The following SH3KBP1 variants were observed in gnomAD, a reference collection of about 807,000 sequenced individuals.
The protein encoded by SH3KBP1 is SH3 domain-containing kinase-binding protein 1.
Under a neutral mutation model 50.1 loss-of-function variants are expected in SH3KBP1, and 8 were observed. The observed-to-expected ratio is 0.16, with a 90% CI of 0.09 to 0.29. The LOEUF is 0.29. Ranked by LOEUF, SH3KBP1 falls within the 10% of genes least tolerant of loss-of-function variation. The pLI is 1.00. For synonymous variants in SH3KBP1, 227 were observed against 218.6 expected, an observed-to-expected ratio of 1.04 and a Z score of -0.34; for missense variants, 377 against 535.2, an observed-to-expected ratio of 0.70 and a Z score of 2.92.
chrX:19,825,431 G>A lies in SH3KBP1; in HGVS notation c.162+10694C>T, dbSNP rs374226838. Among the ~76,000 whole-genome samples the A allele has an allele frequency of 6.9e-4, 77 of 111,994 alleles. 2 individuals carry two copies. The South Asian group carries it at 0.029, about 42-fold the overall frequency. ...TTCAGACACCCAGATAATGCTGCCCGCTTGAGCTCAGGTTGCAGAGCTGGT... is the reference window on the plus strand; with the variant it reads ...TTCAGACACCCAGATAATGCTGCCCACTTGAGCTCAGGTTGCAGAGCTGGT... On this transcript the variant is annotated intron_variant, in intron 2 of 17. Transcript: ENST00000397821.
At chrX:19,810,939 G>T (rs1434048337) in intron 2 of SH3KBP1, among the ~76,000 whole-genome samples, 1 of 111,933 alleles carries the variant, frequency 8.9e-6, no homozygotes, top group Non-Finnish European at 1.9e-5. Context: ...GCACAAAGAA[G>T]TGATTTCTCA....
chrX:19,805,688 A>G (rs57525297), intron 2 of SH3KBP1, among the ~76,000 whole-genome samples: 29,394 of 109,769 alleles, frequency 0.27, 4,863 homozygotes, highest in African/African-American at 0.62. Context: ...ATGCTATACC[A>G]TAGTACAATT....
intron 2 of SH3KBP1, among the ~76,000 whole-genome samples, chrX:19,757,050 C>CATATGCCTG (rs1556342525): frequency 1.8e-5 from 2 of 109,757 alleles, no homozygotes; most frequent in African/African-American, 6.6e-5. Flanking sequence ...TAGCTGGCAC[C>CATATGCCTG]ATATGCCTGT....
chrX:19,562,127 C>A (rs999594579), intron 13 of SH3KBP1, among the ~76,000 whole-genome samples: 8 of 111,372 alleles, frequency 7.2e-5, no homozygotes, highest in Non-Finnish European at 1.3e-4. Flanking sequence ...TAATGAGAGT[C>A]CATGGCTAAA....
At chrX:19,562,924 T>C (rs2065727039) in intron 13 of SH3KBP1, among the ~76,000 whole-genome samples, 1 of 112,324 alleles carries the variant, frequency 8.9e-6, no homozygotes, top group Non-Finnish European at 1.9e-5. Context: ...TACCACCAAA[T>C]GCACTGCTGC....
At chrX:19,730,520 A>G (rs1218268210) in intron 3 of SH3KBP1, among the ~76,000 whole-genome samples, 1 of 111,698 alleles carries the variant, frequency 9.0e-6, no homozygotes, top group Non-Finnish European at 1.9e-5. Context: ...CAGAGAGGAA[A>G]AAGAAGCAAG....
chrX:19,638,480 G>A (rs1389092245), intron 7 of SH3KBP1, among the ~76,000 whole-genome samples: 2 of 110,167 alleles, frequency 1.8e-5, no homozygotes, highest in Admixed American at 1.9e-4. Context: ...TTGGCATCAG[G>A]TGGAGAGCTT....
chrX:19,801,284 G>A (rs2066882648), intron 2 of SH3KBP1, among the ~76,000 whole-genome samples: 1 of 111,953 alleles, frequency 8.9e-6, no homozygotes, highest in African/African-American at 3.3e-5. Context: ...CAACACGGTG[G>A]GGGAAGAGAC....
chrX:19,785,958 G>A (rs1420491184), intron 2 of SH3KBP1, among the ~76,000 whole-genome samples: 3 of 111,704 alleles, frequency 2.7e-5, no homozygotes, highest in Non-Finnish European at 5.6e-5. Flanking sequence ...TGTCATGGGT[G>A]CAGAGTTTCA....
intron 2 of SH3KBP1, among the ~76,000 whole-genome samples, chrX:19,770,672 G>A (rs1212884881): frequency 9.2e-6 from 1 of 108,881 alleles, no homozygotes; most frequent in Non-Finnish European, 1.9e-5. Flanking sequence ...GTGTATAAGT[G>A]TTCCCTTTTC....
At chrX:19,779,293 T>C (rs1216276981) in intron 2 of SH3KBP1, among the ~76,000 whole-genome samples, 18 of 99,294 alleles carry the variant, frequency 1.8e-4, no homozygotes, top group African/African-American at 6.7e-4. Context: ...AGCAAGACCC[T>C]GTCTCAAAAA....
chrX:19,548,856 T>C (rs890691637), intron 14 of SH3KBP1, among the ~76,000 whole-genome samples: 3 of 86,615 alleles, frequency 3.5e-5, no homozygotes, highest in African/African-American at 1.5e-4. Flanking sequence ...AAATCGAACT[T>C]ATACACAAAC....
At chrX:19,804,678 G>A (rs929140796) in intron 2 of SH3KBP1, among the ~76,000 whole-genome samples, 9 of 108,778 alleles carry the variant, frequency 8.3e-5, no homozygotes, top group African/African-American at 2.4e-4. Context: ...TTTCACCCCT[G>A]CAGAGATCTG....
At chrX:19,701,023 T>G (rs950854005) in intron 4 of SH3KBP1, among the ~76,000 whole-genome samples, 7 of 112,037 alleles carry the variant, frequency 6.2e-5, no homozygotes, top group Non-Finnish European at 1.1e-4. Flanking sequence ...TATTTAAGAC[T>G]TAGGCCAACT....
At position 19,755,902 on chromosome X, in the gene SH3KBP1, C is replaced by T. The variant is rs1015241047; in HGVS notation, c.163-9461G>A. On this transcript the variant is annotated intron_variant, in intron 2 of 17. Coordinates refer to ENST00000397821, the MANE Select transcript of SH3KBP1 (RefSeq NM_031892.3). ...GCTGCATGCAGTCCCCAGTCACGTA[C>T]CCCCTGCTTGCTCAAATCGATCATG... 2.7e-5 allele frequency among the ~76,000 whole-genome samples: 3 copies of T among 111,648 alleles called. No individual in the cohort carries two copies. In the Admixed American group the frequency reaches 2.9e-4, roughly 11 times the overall value.
chrX:19,674,734 G>C (rs967717389), intron 6 of SH3KBP1, among the ~76,000 whole-genome samples: 1 of 111,941 alleles, frequency 8.9e-6, no homozygotes, highest in Non-Finnish European at 1.9e-5. Flanking sequence ...AGCTAACACA[G>C]ATATAGCAAA....
At chrX:19,718,686 A>G (rs893719139) in intron 3 of SH3KBP1, among the ~76,000 whole-genome samples, 1 of 112,059 alleles carries the variant, frequency 8.9e-6, no homozygotes, top group Non-Finnish European at 1.9e-5. Context: ...ATAAATATCA[A>G]TTCAATCAGC....
chrX:19,608,043 G>A lies in SH3KBP1; in HGVS notation c.900C>T (p.Asp300=). ...EGDIVTLINK[D]CIDVGWWEGE... Reference sequence around the variant, plus strand: ...CTTCCCACCAGCCTACGTCGATGCAGTCCTAGAAAACAGGAGAACAGAGAG... The same window carrying A: ...CTTCCCACCAGCCTACGTCGATGCAATCCTAGAAAACAGGAGAACAGAGAG... The change falls in exon 9 of 18, where the codon GAC becomes GAT. Residue 300 remains aspartate (D), a splice_region_variant and synonymous_variant. Coordinates refer to ENST00000397821, the MANE Select transcript of SH3KBP1 (RefSeq NM_031892.3). 1 of 1,206,717 alleles carries A rather than the reference G, an allele frequency of 8.3e-7. No individual in the cohort carries two copies. The highest frequency in any genetic ancestry group is 1.1e-6 in the Non-Finnish European group (1 of 891,464).
chrX:19,542,556 G>A (rs1214004327), intron 15 of SH3KBP1, among the ~76,000 whole-genome samples: 5 of 111,536 alleles, frequency 4.5e-5, no homozygotes, highest in Non-Finnish European at 7.5e-5. Context: ...CCAGTGGGGC[G>A]CAGACAGACA....
Sources: allele counts gnomAD v4.1 joint callset (sites outside exome capture counted in the v4.1 genomes callset), GRCh38; gene constraint gnomAD v4.1.1; transcripts MANE v1.5; gene names NCBI Gene and HGNC (gene_info 2026-07-23, HGNC 2026-07-21).